The following RAD51B variants were observed in gnomAD, a reference collection of about 807,000 sequenced individuals.
RAD51B encodes DNA repair protein RAD51 homolog 2.
A neutral mutation model predicts 42.2 loss-of-function variants in RAD51B; 38 were observed. The ratio of observed to expected loss-of-function variants is 0.90; its 90% CI spans 0.70 to 1.18. RAD51B has a LOEUF of 1.18. Ranked by LOEUF, RAD51B falls within the 50% of genes most tolerant of loss-of-function variation. The pLI, the probability that RAD51B is intolerant of heterozygous loss-of-function variation, is 0.00. For synonymous variants in RAD51B, 154 were observed against 145.2 expected (o/e 1.06, Z -0.43); for missense variants, 373 against 400.7 (o/e 0.93, Z 0.59).
chr14:67,957,053 C>T (rs1283634618), intron 7 of RAD51B, among the ~76,000 whole-genome samples: 1 of 152,186 alleles, frequency 6.6e-6, no homozygotes, highest in Non-Finnish European at 1.5e-5. Flanking sequence ...CCTCCTTACA[C>T]AAACCTTTCA....
At chr14:68,070,878 G>C (rs1358839733) in intron 7 of RAD51B, among the ~76,000 whole-genome samples, 1 of 151,620 alleles carries the variant, frequency 6.6e-6, no homozygotes, top group East Asian at 1.9e-4. Flanking sequence ...TTGGCAATAT[G>C]GCCATTTTAA....
chr14:68,075,789 G>A (rs1016108305), intron 7 of RAD51B, among the ~76,000 whole-genome samples: 6 of 152,230 alleles, frequency 3.9e-5, no homozygotes, highest in Non-Finnish European at 8.8e-5. Context: ...GGCTCACAGG[G>A]AAGGGAGACT....
chr14:68,339,089 C>A, intron 8 of RAD51B: 1 of 684,648 alleles, frequency 1.5e-6, no homozygotes, highest in East Asian at 2.8e-5. Flanking sequence ...TCTTGTTCTC[C>A]ACCAAGGTGG....
chr14:68,510,497 C>T (rs1198396898), intron 10 of RAD51B, among the ~76,000 whole-genome samples: 1 of 152,204 alleles, frequency 6.6e-6, no homozygotes, highest in Non-Finnish European at 1.5e-5. Context: ...TGGAGCCCGG[C>T]TCTCCCTGGT....
intron 7 of RAD51B, among the ~76,000 whole-genome samples, chr14:68,174,778 C>T (rs979307098): frequency 6.6e-6 from 1 of 152,098 alleles, no homozygotes; most frequent in Non-Finnish European, 1.5e-5. Flanking sequence ...TTCTGACCTA[C>T]CTATTTAAAC....
At chr14:68,428,193 C>CAGCACA in intron 9 of RAD51B, among the ~76,000 whole-genome samples, 1 of 152,252 alleles carries the variant, frequency 6.6e-6, no homozygotes, top group South Asian at 2.1e-4. Flanking sequence ...TCAGTTATAG[C>CAGCACA]AGCACAAAAT....
intron 7 of RAD51B, among the ~76,000 whole-genome samples, chr14:68,276,286 A>G (rs2081223102): frequency 6.6e-6 from 1 of 152,188 alleles, no homozygotes; most frequent in Non-Finnish European, 1.5e-5. Context: ...CAAGGCCCAG[A>G]TCAAATGACT....
intron 7 of RAD51B, among the ~76,000 whole-genome samples, chr14:68,138,700 T>G (rs997623107): frequency 1.3e-5 from 2 of 152,210 alleles, no homozygotes; most frequent in Non-Finnish European, 2.9e-5. Context: ...TGGCCCAATC[T>G]TTTGCTAACA....
chr14:67,974,765 C>T lies in RAD51B; in HGVS notation c.756+87561C>T, dbSNP rs373143868. 3.7e-4 allele frequency among the ~76,000 whole-genome samples: 56 copies of T among 152,118 alleles called. No homozygotes were observed. The South Asian group carries it at 9.8e-3, about 27-fold the overall frequency. On this transcript the variant is annotated intron_variant, in intron 7 of 10. Coordinates refer to ENST00000471583, the MANE Select transcript of RAD51B (RefSeq NM_133510.4). ...TGTGTACACTTTTTCCCTACTCATT[C>T]TCTTTTTATGGAAAAAACAATTTGG...
At chr14:67,942,421 G>A (rs1380846794) in intron 7 of RAD51B, among the ~76,000 whole-genome samples, 1 of 152,168 alleles carries the variant, frequency 6.6e-6, no homozygotes, top group Non-Finnish European at 1.5e-5. Context: ...CTTGACTTCA[G>A]CTAGAGAGAG....
chr14:67,921,005 A>G (rs1313236355), intron 7 of RAD51B, among the ~76,000 whole-genome samples: 2 of 152,210 alleles, frequency 1.3e-5, no homozygotes, highest in Non-Finnish European at 2.9e-5. Flanking sequence ...GACCGGGGAA[A>G]CATTGAGAAC....
At chr14:68,450,535 CTA>C (rs1443908361) in intron 9 of RAD51B, among the ~76,000 whole-genome samples, 1 of 152,070 alleles carries the variant, frequency 6.6e-6, no homozygotes, top group African/African-American at 2.4e-5. Context: ...TTTTAAAAGA[CTA>C]TATCTTCTGA....
chr14:68,334,954 G>A (rs1382170642), intron 8 of RAD51B, among the ~76,000 whole-genome samples: 1 of 77,470 alleles, frequency 1.3e-5, no homozygotes, highest in African/African-American at 3.9e-5. Context: ...TATTATATAT[G>A]TTTTATATAT....
chr14:67,931,685 G>A (rs2044744338), intron 7 of RAD51B, among the ~76,000 whole-genome samples: 1 of 151,780 alleles, frequency 6.6e-6, no homozygotes, highest in Non-Finnish European at 1.5e-5. Context: ...TGTATTTTTA[G>A]TAGAGATGGG....
chr14:68,133,704 C>G (rs920907551), intron 7 of RAD51B, among the ~76,000 whole-genome samples: 1 of 152,128 alleles, frequency 6.6e-6, no homozygotes, highest in African/African-American at 2.4e-5. Flanking sequence ...GAACTCCTGA[C>G]CTCGTGATCC....
At chr14:68,189,056 C>G (rs1453294957) in intron 7 of RAD51B, among the ~76,000 whole-genome samples, 1 of 152,132 alleles carries the variant, frequency 6.6e-6, no homozygotes, top group East Asian at 1.9e-4. Context: ...CTTACCTTAC[C>G]AGTCCTAATC....
At position 68,438,705 on chromosome 14, in the gene RAD51B, G is replaced by A. The variant is rs558637319; in HGVS notation, c.957+27178G>A. Among the ~76,000 whole-genome samples the A allele has an allele frequency of 2.7e-4, 41 of 152,232 alleles. No individual in the cohort carries two copies. The Middle Eastern group carries it at 0.014, about 51-fold the overall frequency. Reference sequence around the variant, plus strand: ...TCCCTGGCTTCTGTATAGAGACAATGGTTATCAGAGTGTGGGAAAAATGAA... The same window carrying A: ...TCCCTGGCTTCTGTATAGAGACAATAGTTATCAGAGTGTGGGAAAAATGAA... On this transcript the variant is annotated intron_variant, in intron 9 of 10. Coordinates refer to ENST00000471583, the MANE Select transcript of RAD51B (RefSeq NM_133510.4).
At chr14:68,358,192 T>C (rs1395486266) in intron 8 of RAD51B, among the ~76,000 whole-genome samples, 4 of 152,126 alleles carry the variant, frequency 2.6e-5, no homozygotes, top group Non-Finnish European at 5.9e-5. Context: ...ATAATTATAA[T>C]GAAAAAGTCT....
chr14:68,515,285 CAG>C (rs1311017581), intron 10 of RAD51B, among the ~76,000 whole-genome samples: 1 of 151,982 alleles, frequency 6.6e-6, no homozygotes, highest in Non-Finnish European at 1.5e-5. Context: ...TCAGAAGAAA[CAG>C]AGCTAGAAGG....
Sources: gnomAD v4.1 joint callset for allele counts (sites outside exome capture counted in the v4.1 genomes callset) on GRCh38, gnomAD v4.1.1 for gene constraint, MANE v1.5 for transcripts, NCBI Gene and HGNC (gene_info 2026-07-23, HGNC 2026-07-21) for gene names.